CASQ2: variants seen among roughly 807,000 people sequenced by gnomAD.
CASQ2 encodes the protein calsequestrin-2.
Under a neutral mutation model 46.5 loss-of-function variants are expected in CASQ2, and 49 were observed. That is an observed-to-expected ratio of 1.05 (90% CI 0.84 to 1.34). The LOEUF is 1.34. Among genes scored for constraint, CASQ2 ranks in the 40% most tolerant of loss-of-function variants. The pLI is 0.00. For synonymous variants in CASQ2, 174 were observed against 168.5 expected (o/e 1.03, Z -0.25); for missense variants, 486 against 481.3 (o/e 1.01, Z -0.09).
chr1:115,730,765 T>G (rs1214730563), intron 5 of CASQ2, among the ~76,000 whole-genome samples: 4 of 150,882 alleles, frequency 2.7e-5, no homozygotes, highest in African/African-American at 5.0e-5. Context: ...GTGCCAGTTG[T>G]TTTTTGCATT....
chr1:115,766,012 C>T (rs1237588511), intron 1 of CASQ2, among the ~76,000 whole-genome samples: 1 of 152,188 alleles, frequency 6.6e-6, no homozygotes, highest in African/African-American at 2.4e-5. Context: ...CTTGATGCTG[C>T]GCCTGACAAG....
In CASQ2 at chr1:115,717,848, C is replaced by T; in HGVS notation, c.830G>A (p.Ser277Asn). 1.9e-6 allele frequency: 3 copies of T among 1,610,732 alleles called. No individual in the cohort carries two copies. The highest frequency in any genetic ancestry group is 2.2e-5 in the East Asian group (1 of 44,870). ...GGTTGAAGGTTTCCTACCTGGATCACTCTTCTCTGCAAAGGCCACAATGTG... is the reference window on the plus strand; with the variant it reads ...GGTTGAAGGTTTCCTACCTGGATCATTCTTCTCTGCAAAGGCCACAATGTG... The part of the protein sequence containing the change: ...GIHIVAFAEK[S>N]DPDGYEFLEI... The change falls in exon 8 of 11, where the codon AGT becomes AAT. Residue 277 changes from serine (S) to asparagine (N), a missense_variant. Coordinates refer to ENST00000261448, the MANE Select transcript of CASQ2 (RefSeq NM_001232.4).
rs774769551 is a variant in CASQ2 at position 115,726,972 on chromosome 1, C to T, written c.737+20G>A. 1 of 1,588,910 alleles carries T rather than the reference C, an allele frequency of 6.3e-7. No homozygotes were observed. The highest frequency in any genetic ancestry group is 8.6e-7 in the Non-Finnish European group (1 of 1,161,762). ...TCCCCAGACCCCAGGCCCCCAGCCC[C>T]CACATGCCATCTCAGGCACCTTTGG... is the stretch of plus-strand genomic sequence containing the variant. On this transcript the variant is annotated intron_variant, in intron 6 of 10. Transcript: ENST00000261448.
At chr1:115,709,542 T>C (rs747911216) in intron 8 of CASQ2, among the ~76,000 whole-genome samples, 9 of 152,204 alleles carry the variant, frequency 5.9e-5, no homozygotes, top group African/African-American at 1.9e-4. Flanking sequence ...AATAGTTATC[T>C]AGACAAAGCA....
chr1:115,740,617 C>T (rs951958859), intron 3 of CASQ2, 111 bp downstream of exon 3: 1 of 732,148 alleles, frequency 1.4e-6, no homozygotes, highest in Admixed American at 2.1e-5. Flanking sequence ...CCTGAAAAAC[C>T]TGTCACAGAT....
intron 7 of CASQ2, among the ~76,000 whole-genome samples, chr1:115,718,567 G>A (rs934868774): frequency 6.6e-6 from 1 of 152,172 alleles, no homozygotes; most frequent in Non-Finnish European, 1.5e-5. Context: ...GCCTCTAGGT[G>A]ACTTCCTTGA....
At chr1:115,765,202 C>T (rs1649090342) in intron 1 of CASQ2, among the ~76,000 whole-genome samples, 1 of 152,132 alleles carries the variant, frequency 6.6e-6, no homozygotes, top group Admixed American at 6.6e-5. Context: ...AGCTGTGAGC[C>T]ACTTGAGGGT....
At chr1:115,763,488 T>C (rs552247138) in intron 1 of CASQ2, among the ~76,000 whole-genome samples, 2 of 152,306 alleles carry the variant, frequency 1.3e-5, no homozygotes, top group Admixed American at 1.3e-4. Context: ...GCAAGATGGC[T>C]GCATTTCCAG....
At chr1:115,723,293 A>ATATCTATT (rs1553193961) in intron 7 of CASQ2, among the ~76,000 whole-genome samples, 2,209 of 74,330 alleles carry the variant, frequency 0.03, 51 homozygotes, top group African/African-American at 0.11. Flanking sequence ...ATATCTCTCT[A>ATATCTATT]TATCTATCTA....
chr1:115,718,874 G>A (rs555537054), intron 7 of CASQ2, among the ~76,000 whole-genome samples: 1 of 152,276 alleles, frequency 6.6e-6, no homozygotes, highest in South Asian at 2.1e-4. Flanking sequence ...TATCACAAAT[G>A]TGATTCTCAG....
intron 8 of CASQ2, among the ~76,000 whole-genome samples, chr1:115,709,850 TG>T (rs1455277644): frequency 6.6e-6 from 1 of 152,178 alleles, no homozygotes; most frequent in African/African-American, 2.4e-5. Flanking sequence ...TGTTCTTTTT[TG>T]TTTTGTTTTG....
chr1:115,720,607 G>C (rs1446522586), intron 7 of CASQ2, among the ~76,000 whole-genome samples: 1 of 152,206 alleles, frequency 6.6e-6, no homozygotes, highest in Non-Finnish European at 1.5e-5. Context: ...TAAGTTGAAA[G>C]AGGCTGGAAA....
intron 8 of CASQ2, among the ~76,000 whole-genome samples, chr1:115,710,332 A>G (rs1654497674): frequency 6.6e-6 from 1 of 152,226 alleles, no homozygotes; most frequent in African/African-American, 2.4e-5. Context: ...ATTAAGACCC[A>G]AGGAGAGCAA....
At chr1:115,744,116 C>T (rs1389758964) in intron 2 of CASQ2, among the ~76,000 whole-genome samples, 1 of 150,370 alleles carries the variant, frequency 6.7e-6, no homozygotes, top group Non-Finnish European at 1.5e-5. Flanking sequence ...GGCACTCCAG[C>T]CTGGGTGACA....
rs150867599 is a variant in CASQ2, at chr1:115,723,682, C to A, written c.783+1826G>T. ...CCTCCAGAGTAGGTGGGACTACAGG[C>A]GCCTGCCACCATACTCGGCTAATTT... On this transcript the variant is annotated intron_variant, in intron 7 of 10. Coordinates refer to ENST00000261448, the MANE Select transcript of CASQ2 (RefSeq NM_001232.4). Among the ~76,000 whole-genome samples the A allele has an allele frequency of 5.9e-3, 900 of 151,930 alleles. 8 individuals carry two copies. Among genetic ancestry groups the A allele is most frequent in the African/African-American group, 0.021 (864 of 41,438 alleles).
chr1:115,743,986 A>AAC (rs1431761895), intron 2 of CASQ2, among the ~76,000 whole-genome samples: 2 of 150,784 alleles, frequency 1.3e-5, no homozygotes. Context: ...AAAATACAAA[A>AAC]AAAAAAAATG....
At chr1:115,706,190 G>T (rs1557785388) in intron 8 of CASQ2, among the ~76,000 whole-genome samples, 1 of 151,896 alleles carries the variant, frequency 6.6e-6, no homozygotes, top group Non-Finnish European at 1.5e-5. Flanking sequence ...GTGTATGTGT[G>T]TGTGCGTGTG....
At chr1:115,756,468 T>C (rs1648763812) in intron 1 of CASQ2, among the ~76,000 whole-genome samples, 1 of 152,188 alleles carries the variant, frequency 6.6e-6, no homozygotes, top group African/African-American at 2.4e-5. Flanking sequence ...TATGCAAAAA[T>C]ACTCTGCACC....
At chr1:115,735,303 G>A (rs1420243634) in intron 4 of CASQ2, among the ~76,000 whole-genome samples, 1 of 152,156 alleles carries the variant, frequency 6.6e-6, no homozygotes, top group African/African-American at 2.4e-5. Context: ...ACCTCTCCCT[G>A]CTCTTTCATC....
Sources: gnomAD v4.1 joint callset for allele counts (sites outside exome capture counted in the v4.1 genomes callset) on GRCh38, gnomAD v4.1.1 for gene constraint, MANE v1.5 for transcripts, NCBI Gene and HGNC (gene_info 2026-07-23, HGNC 2026-07-21) for gene names.